SEMA3C: variants seen among roughly 807,000 people sequenced by gnomAD.
The protein encoded by SEMA3C is semaphorin-3C.
SEMA3C carries 47 observed loss-of-function variants against 89.4 expected under a neutral mutation model. That is an observed-to-expected ratio of 0.53 (90% CI 0.42 to 0.67). The LOEUF (loss-of-function observed/expected upper bound fraction) is 0.67, where lower values mean the gene tolerates loss of function less well. SEMA3C is among the 30% of genes least tolerant of loss of function. The pLI, the probability that SEMA3C is intolerant of heterozygous loss-of-function variation, is 0.00. For missense variants in SEMA3C, 839 were observed against 929.1 expected, an observed-to-expected ratio of 0.90 and a Z score of 1.26; for synonymous variants, 310 against 320.2, an observed-to-expected ratio of 0.97 and a Z score of 0.34.
intron 11 of SEMA3C, chr7:80,793,383 T>C (rs1207475321): frequency 2.9e-6 from 1 of 340,602 alleles, no homozygotes; most frequent in East Asian, 9.0e-5. Flanking sequence ...TATACTTATA[T>C]GTTAATATAC....
intron 2 of SEMA3C, among the ~76,000 whole-genome samples, chr7:80,862,596 T>C (rs1332524152): frequency 6.6e-6 from 1 of 152,054 alleles, no homozygotes; most frequent in African/African-American, 2.4e-5. Flanking sequence ...AACACAATTC[T>C]AAAATTCACA....
intron 5 of SEMA3C, among the ~76,000 whole-genome samples, chr7:80,812,995 G>A (rs541425203): frequency 2.0e-5 from 3 of 147,400 alleles, no homozygotes; most frequent in African/African-American, 5.0e-5. Flanking sequence ...TAATAGAGAC[G>A]GGGCTTTCGC....
At chr7:80,820,353 C>T (rs1361728688) in intron 4 of SEMA3C, among the ~76,000 whole-genome samples, 1 of 151,964 alleles carries the variant, frequency 6.6e-6, no homozygotes, top group African/African-American at 2.4e-5. Context: ...AGCCACCATG[C>T]CTGGCCTCTC....
chr7:80,843,374 T>C (rs1583932345), intron 2 of SEMA3C, among the ~76,000 whole-genome samples: 1 of 152,206 alleles, frequency 6.6e-6, no homozygotes. Flanking sequence ...TCTTTTTCTT[T>C]GTGTTGTTTT....
chr7:80,872,797 C>CT (rs1491206589), intron 2 of SEMA3C, among the ~76,000 whole-genome samples: 97 of 40,096 alleles, frequency 2.4e-3, no homozygotes, highest in African/African-American at 6.3e-3. Flanking sequence ...GAGACTCTGT[C>CT]AAAAAAAAAA....
chr7:80,835,277 A>G (rs1382992864), intron 2 of SEMA3C, among the ~76,000 whole-genome samples: 1 of 152,176 alleles, frequency 6.6e-6, no homozygotes, highest in Non-Finnish European at 1.5e-5. Context: ...GAGGATAGAA[A>G]TAACGAAGAT....
Position 80,903,584 on chromosome 7 carries a change from C to T in SEMA3C, c.103+13095G>A, listed in dbSNP as rs1791936146. The stretch of plus-strand genomic sequence containing the variant: ...GGCTGAGACAGGAGAATCACTTGAA[C>T]CCAGGAGGCAAAGGTTGCAGTGAGC... On this transcript the variant is annotated intron_variant, in intron 2 of 17. Coordinates refer to ENST00000265361, the MANE Select transcript of SEMA3C (RefSeq NM_006379.5). 2.0e-5 allele frequency among the ~76,000 whole-genome samples: 3 copies of T among 152,130 alleles called. No individual in the cohort carries two copies. The South Asian group carries it at 6.2e-4, about 31-fold the overall frequency.
intron 12 of SEMA3C, among the ~76,000 whole-genome samples, chr7:80,770,271 T>G (rs2117071241): frequency 6.6e-6 from 1 of 152,336 alleles, no homozygotes; most frequent in East Asian, 1.9e-4. Flanking sequence ...TCCCAATTAC[T>G]TATGTCCACA....
chr7:80,808,204 T>C lies in SEMA3C; in HGVS notation c.538+2407A>G, dbSNP rs3807111. 1.5e-3 allele frequency among the ~76,000 whole-genome samples: 235 copies of C among 152,292 alleles called. 4 individuals are homozygous for C. Among genetic ancestry groups the C allele is most frequent in the East Asian group, 0.015 (77 of 5,176 alleles). On this transcript the variant is annotated intron_variant, in intron 6 of 17. Coordinates refer to ENST00000265361, the MANE Select transcript of SEMA3C (RefSeq NM_006379.5). The stretch of plus-strand genomic sequence containing the variant: ...TTATAATGCCTTGTTCTAATCCTTA[T>C]TATTCTAAAGAATATTCAATGAGAT...
intron 2 of SEMA3C, among the ~76,000 whole-genome samples, chr7:80,902,041 C>T (rs928566625): frequency 6.6e-6 from 1 of 152,194 alleles, no homozygotes; most frequent in Non-Finnish European, 1.5e-5. Context: ...CACTCTTTGC[C>T]TCACAGGCTC....
chr7:80,749,151 G>T, intron 16 of SEMA3C, 123 bp from the exon 17 acceptor site: 1 of 1,026,534 alleles, frequency 9.7e-7, no homozygotes, highest in Non-Finnish European at 1.3e-6. Flanking sequence ...AACTATCGCA[G>T]CCAGCAAAAA....
chr7:80,839,558 G>A (rs1790215314), intron 2 of SEMA3C, among the ~76,000 whole-genome samples: 1 of 151,872 alleles, frequency 6.6e-6, no homozygotes. Flanking sequence ...GTTAAGATAC[G>A]GAAAACATTT....
intron 2 of SEMA3C, among the ~76,000 whole-genome samples, chr7:80,865,973 C>A (rs192019170): frequency 1.3e-5 from 2 of 152,134 alleles, no homozygotes; most frequent in Non-Finnish European, 2.9e-5. Context: ...AGAGGATGTA[C>A]CATAGTTTTC....
Position 80,758,341 on chromosome 7 carries a change from T to G in SEMA3C, c.1633A>C (p.Thr545Pro). 3 of 1,613,034 alleles carry G rather than the reference T, an allele frequency of 1.9e-6. No homozygotes were observed. Among genetic ancestry groups the G allele is most frequent in the Non-Finnish European group, 1.7e-6 (2 of 1,179,582 alleles). Residue 545 changes from threonine (T) to proline (P), a missense_variant, in exon 15 of 18, where the codon ACT becomes CCT. Transcript: ENST00000265361. ...DGHSCSRFYP[T>P]GKRRSRRQDV... ...GTGTTTAGTGCTCACCGTTTCCCAG[T>G]TGGGTAGAATCTGGAACAGGAATGG...
intron 2 of SEMA3C, among the ~76,000 whole-genome samples, chr7:80,868,111 A>G (rs1790971660): frequency 6.6e-6 from 1 of 152,182 alleles, no homozygotes; most frequent in East Asian, 1.9e-4. Flanking sequence ...TCAGTGGGCC[A>G]ATATGTCTGT....
chr7:80,870,056 T>C (rs1209349326), intron 2 of SEMA3C, among the ~76,000 whole-genome samples: 1 of 152,214 alleles, frequency 6.6e-6, no homozygotes, highest in Non-Finnish European at 1.5e-5. Context: ...GTCTTGCCTA[T>C]AATTGGTAGG....
At chr7:80,855,657 C>A (rs905268922) in intron 2 of SEMA3C, among the ~76,000 whole-genome samples, 5 of 152,132 alleles carry the variant, frequency 3.3e-5, no homozygotes, top group African/African-American at 1.2e-4. Flanking sequence ...TCAGGGCTGG[C>A]TCCCTGGCAG....
upstream of SEMA3C, among the ~76,000 whole-genome samples, chr7:80,919,937 G>A (rs1195632660): frequency 2.0e-5 from 3 of 152,068 alleles, no homozygotes; most frequent in Non-Finnish European, 4.4e-5. Context: ...AATGGGTATT[G>A]TTTCCTATTG....
At chr7:80,830,162 A>T (rs376543314) in intron 2 of SEMA3C, among the ~76,000 whole-genome samples, 164 of 152,284 alleles carry the variant, frequency 1.1e-3, no homozygotes, top group African/African-American at 3.6e-3. Context: ...TTCAGCCAAT[A>T]ATCTGAAAAT....
Sources: allele counts gnomAD v4.1 joint callset (sites outside exome capture counted in the v4.1 genomes callset), GRCh38; gene constraint gnomAD v4.1.1; transcripts MANE v1.5; gene names NCBI Gene and HGNC (gene_info 2026-07-23, HGNC 2026-07-21).